RNF150: variants seen among roughly 807,000 people sequenced by gnomAD.
The protein encoded by RNF150 is ring finger protein 150.
In RNF150, 24 loss-of-function variants were observed where a neutral mutation model predicts 39.3. The ratio of observed to expected loss-of-function variants is 0.61; its 90% CI spans 0.44 to 0.86. The LOEUF (loss-of-function observed/expected upper bound fraction) is 0.86, where lower values mean the gene tolerates loss of function less well. Among genes scored for constraint, RNF150 ranks in the 40% least tolerant of loss-of-function variants. The pLI is 0.00. For missense variants in RNF150, 502 were observed against 587.8 expected (o/e 0.85, Z 1.51); for synonymous variants, 255 against 227.3 (o/e 1.12, Z -1.10).
chr4:140,975,009 A>G (rs1409778524), intron 1 of RNF150, among the ~76,000 whole-genome samples: 3 of 152,118 alleles, frequency 2.0e-5, no homozygotes, highest in Non-Finnish European at 4.4e-5. Context: ...TAATCTCAGC[A>G]CTTTGGGAGG....
At chr4:141,199,540 C>G (rs1037572933) in intron 1 of RNF150, among the ~76,000 whole-genome samples, 1 of 152,140 alleles carries the variant, frequency 6.6e-6, no homozygotes, top group Non-Finnish European at 1.5e-5. Flanking sequence ...TACTGGTACA[C>G]TCAATAATGT....
intron 1 of RNF150, among the ~76,000 whole-genome samples, chr4:141,065,652 G>A (rs1737426679): frequency 6.6e-6 from 1 of 151,976 alleles, no homozygotes; most frequent in South Asian, 2.1e-4. Context: ...GAAATTCATT[G>A]AAATTCATCG....
At chr4:141,004,604 A>C (rs1275165538) in intron 1 of RNF150, among the ~76,000 whole-genome samples, 1 of 152,238 alleles carries the variant, frequency 6.6e-6, no homozygotes, top group East Asian at 1.9e-4. Flanking sequence ...GACCTAGGTG[A>C]GTATGGAGAC....
intron 1 of RNF150, among the ~76,000 whole-genome samples, chr4:141,059,637 T>TA (rs552519280): frequency 2.0e-5 from 3 of 152,024 alleles, no homozygotes; most frequent in East Asian, 1.9e-4. Flanking sequence ...AGAATTCTAA[T>TA]AAAAAAATTT....
intron 1 of RNF150, among the ~76,000 whole-genome samples, chr4:141,023,138 TGCACTCTA>T (rs1735559522): frequency 1.3e-5 from 2 of 152,164 alleles, no homozygotes; most frequent in African/African-American, 2.4e-5. Flanking sequence ...GCATCTACAA[TGCACTCTA>T]GCACTGACCA....
At chr4:140,999,891 T>A (rs1734511380) in intron 1 of RNF150, among the ~76,000 whole-genome samples, 3 of 148,532 alleles carry the variant, frequency 2.0e-5, no homozygotes, top group African/African-American at 7.5e-5. Flanking sequence ...TGAGCCGAGA[T>A]CACGCCACTG....
intron 1 of RNF150, among the ~76,000 whole-genome samples, chr4:141,019,711 C>A (rs950830052): frequency 2.6e-5 from 4 of 152,142 alleles, no homozygotes; most frequent in Admixed American, 2.0e-4. Flanking sequence ...CTTTTATGTG[C>A]CTTTAATGCT....
chr4:140,925,666 G>T (rs1227047603), intron 5 of RNF150, among the ~76,000 whole-genome samples: 1 of 152,134 alleles, frequency 6.6e-6, no homozygotes, highest in Non-Finnish European at 1.5e-5. Flanking sequence ...AACTGGCCCG[G>T]GGTGTATCTG....
intron 1 of RNF150, among the ~76,000 whole-genome samples, chr4:141,105,964 T>C (rs1308503731): frequency 6.6e-6 from 1 of 152,178 alleles, no homozygotes; most frequent in Non-Finnish European, 1.5e-5. Context: ...CCAACCTCTT[T>C]AGCACCCTTC....
At chr4:141,037,533 C>G (rs1578657183) in intron 1 of RNF150, among the ~76,000 whole-genome samples, 1 of 152,210 alleles carries the variant, frequency 6.6e-6, no homozygotes, top group East Asian at 1.9e-4. Flanking sequence ...TTAGAATTTC[C>G]AAATTACTGT....
chr4:141,082,478 G>A (rs936850462), intron 1 of RNF150, among the ~76,000 whole-genome samples: 3 of 152,236 alleles, frequency 2.0e-5, no homozygotes, highest in Non-Finnish European at 4.4e-5. Flanking sequence ...TTTTATGACA[G>A]TCCTCAGCCC....
In RNF150 at chr4:141,132,566, C is replaced by A. The variant is rs373266501; in HGVS notation, c.243G>T (p.Ser81=). Residue 81 remains serine, a synonymous_variant, in exon 1 of 7, where the codon TCG becomes TCT. Coordinates refer to ENST00000515673, the MANE Select transcript of RNF150 (RefSeq NM_020724.2). This position sits in a 1 kb window ranked among gnomAD's most constrained non-coding sequence, Gnocchi z 4.9. ...KTECGRYGEH[S]PKQDARGEVV... is the part of the protein sequence containing the mutation. ...CCTCCCCGCGGGCGTCCTGCTTGGG[C>A]GAGTGCTCTCCGTAGCGCCCGCACT... 13 of 1,587,504 alleles carry A rather than the reference C, an allele frequency of 8.2e-6. No individual in the cohort carries two copies. The African/African-American group carries it at 1.7e-4, about 21-fold the overall frequency.
intron 1 of RNF150, among the ~76,000 whole-genome samples, chr4:141,185,103 T>C (rs1489923922): frequency 6.6e-6 from 1 of 152,208 alleles, no homozygotes; most frequent in Non-Finnish European, 1.5e-5. Flanking sequence ...GCATTGAATC[T>C]ATAAATTACT....
At chr4:141,064,177 C>T (rs1031866742) in intron 1 of RNF150, among the ~76,000 whole-genome samples, 2 of 152,124 alleles carry the variant, frequency 1.3e-5, no homozygotes, top group African/African-American at 4.8e-5. Context: ...CTTGCAACAA[C>T]CTTATGAATT....
At chr4:141,176,608 A>G (rs2111180869) in intron 1 of RNF150, among the ~76,000 whole-genome samples, 1 of 152,310 alleles carries the variant, frequency 6.6e-6, no homozygotes, top group South Asian at 2.1e-4. Context: ...ATCTTCAGAA[A>G]TCTAATTTAT....
intron 1 of RNF150, among the ~76,000 whole-genome samples, chr4:141,014,934 T>C (rs995572269): frequency 2.0e-5 from 3 of 152,150 alleles, no homozygotes; most frequent in Non-Finnish European, 4.4e-5. Flanking sequence ...TTTTTTTTTC[T>C]AGTATTTTAC....
chr4:140,991,987 T>C (rs1024902878), intron 1 of RNF150, among the ~76,000 whole-genome samples: 3 of 152,182 alleles, frequency 2.0e-5, no homozygotes, highest in African/African-American at 2.4e-5. Context: ...ATCTGGTTTA[T>C]TTCTAAAAGG....
intron 1 of RNF150, among the ~76,000 whole-genome samples, chr4:140,999,933 GTCTCAAAAA>G (rs1222698565): frequency 1.6e-5 from 2 of 125,394 alleles, no homozygotes; most frequent in Non-Finnish European, 3.3e-5. Flanking sequence ...GTGAGACTTG[GTCTCAAAAA>G]AAGAAGAAGA....
chr4:141,045,506 A>G (rs1411379554), intron 1 of RNF150, among the ~76,000 whole-genome samples: 1 of 152,004 alleles, frequency 6.6e-6, no homozygotes, highest in Admixed American at 6.6e-5. Flanking sequence ...CTTTTTTTAT[A>G]TTTAGGAACA....
Sources: allele counts gnomAD v4.1 joint callset (sites outside exome capture counted in the v4.1 genomes callset), GRCh38; gene constraint gnomAD v4.1.1; non-coding constraint Gnocchi (gnomAD v3.1); transcripts MANE v1.5; gene names NCBI Gene and HGNC (gene_info 2026-07-23, HGNC 2026-07-21).